The following ANO3 variants were observed in gnomAD, a reference collection of about 807,000 sequenced individuals.
The protein encoded by ANO3 is anoctamin 3, also known as anoctamin-3.
In ANO3, 99 loss-of-function variants were observed where a neutral mutation model predicts 144.8. The observed-to-expected ratio is 0.68, with a 90% CI of 0.58 to 0.81. ANO3 has a LOEUF of 0.81. Ranked by LOEUF, ANO3 falls within the 30% of genes least tolerant of loss-of-function variation. The pLI, the probability that ANO3 is intolerant of heterozygous loss-of-function variation, is 0.00. For missense variants in ANO3, 905 were observed against 1,202.2 expected, an observed-to-expected ratio of 0.75 and a Z score of 3.66; for synonymous variants, 414 against 392.6, an observed-to-expected ratio of 1.05 and a Z score of -0.64.
At chr11:26,386,967 GGGGAGA>G (rs1291159779) in intron 1 of ANO3, among the ~76,000 whole-genome samples, 1 of 151,936 alleles carries the variant, frequency 6.6e-6, no homozygotes, top group East Asian at 1.9e-4. Context: ...TTTTGTTTCT[GGGGAGA>G]GGGAGACACA....
chr11:26,522,011 C>T (rs561844118), intron 6 of ANO3, among the ~76,000 whole-genome samples: 1 of 152,160 alleles, frequency 6.6e-6, no homozygotes, highest in African/African-American at 2.4e-5. Context: ...GGTGAAACTC[C>T]GTCTCTACTA....
intron 1 of ANO3, among the ~76,000 whole-genome samples, chr11:26,201,556 A>G (rs907817574): frequency 9.9e-5 from 15 of 152,038 alleles, no homozygotes; most frequent in Non-Finnish European, 1.9e-4. Flanking sequence ...AAACATATGA[A>G]GAGCTGACTG....
intron 1 of ANO3, among the ~76,000 whole-genome samples, chr11:26,363,826 C>T (rs996108225): frequency 1.6e-4 from 13 of 82,088 alleles, no homozygotes; most frequent in Admixed American, 5.2e-4. Context: ...CTAATACATA[C>T]TGCAAAAAAA....
intron 1 of ANO3, among the ~76,000 whole-genome samples, chr11:26,322,078 C>T (rs931974067): frequency 6.6e-6 from 1 of 152,050 alleles, no homozygotes; most frequent in African/African-American, 2.4e-5. Flanking sequence ...CTCTAGATCA[C>T]TCATTTGGTT....
chr11:26,268,424 C>T (rs746264539), intron 1 of ANO3, among the ~76,000 whole-genome samples: 6 of 152,000 alleles, frequency 3.9e-5, no homozygotes, highest in Non-Finnish European at 8.8e-5. Context: ...AAGAATACAG[C>T]CCCTCGGGGG....
chr11:26,642,494 G>A (rs1175607015), intron 22 of ANO3, among the ~76,000 whole-genome samples: 9 of 139,100 alleles, frequency 6.5e-5, no homozygotes, highest in African/African-American at 1.8e-4. Context: ...TGGGATTACA[G>A]GTGCACATGA....
At chr11:26,276,888 G>A (rs1853570954) in intron 1 of ANO3, among the ~76,000 whole-genome samples, 2 of 152,084 alleles carry the variant, frequency 1.3e-5, no homozygotes, top group Admixed American at 1.3e-4. Flanking sequence ...TCTGTCACTT[G>A]AGAGACTGAC....
At chr11:26,375,490 G>A (rs1856380324) in intron 1 of ANO3, among the ~76,000 whole-genome samples, 1 of 152,148 alleles carries the variant, frequency 6.6e-6, no homozygotes, top group Non-Finnish European at 1.5e-5. Context: ...TTTGGCATTT[G>A]GTGGCGAAAT....
chr11:26,560,704 A>G (rs984578898), intron 14 of ANO3: 18 of 171,774 alleles, frequency 1.0e-4, no homozygotes, highest in Non-Finnish European at 2.2e-4. Flanking sequence ...GTAAAGAGTC[A>G]TCTTCATTGT....
At chr11:26,212,714 A>G (rs1851959212) in intron 1 of ANO3, among the ~76,000 whole-genome samples, 1 of 152,046 alleles carries the variant, frequency 6.6e-6, no homozygotes, top group African/African-American at 2.4e-5. Flanking sequence ...TACAAAAAGG[A>G]GCTGGTACCA....
In ANO3 at chr11:26,619,889, G is replaced by A. The variant is rs1275352882; in HGVS notation, c.1837-4573G>A. Among the ~76,000 whole-genome samples the A allele has an allele frequency of 2.0e-5, 3 of 152,252 alleles. No individual in the cohort carries two copies. The East Asian group carries it at 5.8e-4, about 29-fold the overall frequency. On this transcript the variant is annotated intron_variant, in intron 17 of 26. Coordinates refer to ENST00000256737, the MANE Select transcript of ANO3 (RefSeq NM_031418.4). Reference sequence around the variant, plus strand: ...TCTTATCCAGCCAGCCCCTCAAATAGCATTAGAAAATCATTAAGAGAGCTA... The same window carrying A: ...TCTTATCCAGCCAGCCCCTCAAATAACATTAGAAAATCATTAAGAGAGCTA...
chr11:26,631,309 TTTTG>T (rs1427527362), intron 18 of ANO3, among the ~76,000 whole-genome samples: 11 of 152,098 alleles, frequency 7.2e-5, no homozygotes, highest in African/African-American at 9.6e-5. Flanking sequence ...TTTCATTTTA[TTTTG>T]TTTATTTTAT....
intron 1 of ANO3, among the ~76,000 whole-genome samples, chr11:26,205,336 G>T (rs1025476822): frequency 1.3e-5 from 2 of 152,098 alleles, no homozygotes; most frequent in African/African-American, 4.8e-5. Flanking sequence ...TACTCACACT[G>T]GTCCTAAGAG....
intron 14 of ANO3, among the ~76,000 whole-genome samples, chr11:26,595,647 C>A (rs1480097753): frequency 6.6e-6 from 1 of 151,946 alleles, no homozygotes. Flanking sequence ...GAGGAACCAT[C>A]TGTCGTCCTG....
At chr11:26,224,600 T>A (rs141779187) in intron 1 of ANO3, among the ~76,000 whole-genome samples, 1 of 152,204 alleles carries the variant, frequency 6.6e-6, no homozygotes, top group Non-Finnish European at 1.5e-5. Flanking sequence ...ATTTTTACTA[T>A]GTTGGAATGA....
rs572108901 is a variant in ANO3, at chr11:26,452,456, G to A, written c.313+8620G>A. Among the ~76,000 whole-genome samples the A allele has an allele frequency of 7.8e-3, 1,192 of 152,276 alleles. 13 individuals carry two copies. The highest frequency in any genetic ancestry group is 0.023 in the African/African-American group (966 of 41,554). Reference sequence around the variant, plus strand: ...ATGCAGAAGCCTCAGGAGCCGATGCGATCAACTGGAAGAAAGGGTATCAGT... The same window carrying A: ...ATGCAGAAGCCTCAGGAGCCGATGCAATCAACTGGAAGAAAGGGTATCAGT... On this transcript the variant is annotated intron_variant, in intron 3 of 26. Coordinates refer to ENST00000256737, the MANE Select transcript of ANO3 (RefSeq NM_031418.4).
At position 26,385,903 on chromosome 11, in the gene ANO3, T is replaced by TATATATATATATATATA. The variant is rs58078292; in HGVS notation, c.46+53582_46+53583insATATATATATATATATA. Among the ~76,000 whole-genome samples, 789 of 148,784 alleles carry TATATATATATATATATA rather than the reference T, an allele frequency of 5.3e-3. 3 individuals are homozygous for TATATATATATATATATA. Among genetic ancestry groups the TATATATATATATATATA allele is most frequent in the African/African-American group, 0.012 (464 of 39,544 alleles). On this transcript the variant is annotated intron_variant, in intron 1 of 26. Transcript: ENST00000256737. ...AAGTTCTTTGTGTGTGTATATATAT[T>TATATATATATATATATA]TATATACATATTTACATGTATAAGC...
At chr11:26,246,454 C>CTT (rs1339543243) in intron 1 of ANO3, among the ~76,000 whole-genome samples, 5 of 100,488 alleles carry the variant, frequency 5.0e-5, no homozygotes, top group Non-Finnish European at 8.5e-5. Context: ...TAAGTGTAGT[C>CTT]TTTATATATA....
At chr11:26,606,931 G>T (rs1233517441) in intron 17 of ANO3, among the ~76,000 whole-genome samples, 1 of 152,070 alleles carries the variant, frequency 6.6e-6, no homozygotes, top group Non-Finnish European at 1.5e-5. Context: ...CATATTTAGT[G>T]CTTCCTTCAG....
Sources: gnomAD v4.1 joint callset for allele counts (sites outside exome capture counted in the v4.1 genomes callset) on GRCh38, gnomAD v4.1.1 for gene constraint, MANE v1.5 for transcripts, NCBI Gene and HGNC (gene_info 2026-07-23, HGNC 2026-07-21) for gene names.